The following GALNT17 variants were observed in gnomAD, a reference collection of about 807,000 sequenced individuals.
The protein encoded by GALNT17 is polypeptide N-acetylgalactosaminyltransferase 17.
Under a neutral mutation model 63.7 loss-of-function variants are expected in GALNT17, and 29 were observed. The observed-to-expected ratio is 0.46, with a 90% CI of 0.34 to 0.62. The LOEUF (loss-of-function observed/expected upper bound fraction) is 0.62, where lower values mean the gene tolerates loss of function less well. Among genes scored for constraint, GALNT17 ranks in the 20% least tolerant of loss-of-function variants. The pLI is 0.01. For synonymous variants in GALNT17, 305 were observed against 318.3 expected, an observed-to-expected ratio of 0.96 and a Z score of 0.45; for missense variants, 603 against 799.6, an observed-to-expected ratio of 0.75 and a Z score of 2.97.
chr7:71,133,690 T>G (rs74956602), intron 1 of GALNT17, among the ~76,000 whole-genome samples: 1 of 152,296 alleles, frequency 6.6e-6, no homozygotes, highest in East Asian at 1.9e-4. Flanking sequence ...CAGAGAGATG[T>G]GGCATCCCAT....
At chr7:71,511,762 T>A (rs1788360022) in intron 5 of GALNT17, among the ~76,000 whole-genome samples, 1 of 152,134 alleles carries the variant, frequency 6.6e-6, no homozygotes. Context: ...CTCCACAACC[T>A]TAGGTGGCAG....
At chr7:71,303,020 A>G (rs1028319533) in intron 1 of GALNT17, among the ~76,000 whole-genome samples, 7 of 152,116 alleles carry the variant, frequency 4.6e-5, no homozygotes, top group Non-Finnish European at 8.8e-5. Flanking sequence ...ACGTGCTGCC[A>G]TGCCCGGCTA....
chr7:71,565,843 T>C (rs1443355740), intron 5 of GALNT17, among the ~76,000 whole-genome samples: 7 of 129,776 alleles, frequency 5.4e-5, no homozygotes, highest in Admixed American at 1.6e-4. Context: ...CTCTTCTCTT[T>C]TCTTTTTTTT....
At chr7:71,419,058 G>T (rs1468559493) in intron 4 of GALNT17, among the ~76,000 whole-genome samples, 1 of 152,168 alleles carries the variant, frequency 6.6e-6, no homozygotes, top group Non-Finnish European at 1.5e-5. Flanking sequence ...TATAGCCTGA[G>T]AGACGAGTGA....
intron 9 of GALNT17, among the ~76,000 whole-genome samples, chr7:71,683,940 C>T (rs1037796222): frequency 5.6e-5 from 8 of 142,936 alleles, no homozygotes; most frequent in Admixed American, 1.5e-4. Context: ...ACTCAGGAGG[C>T]GGAGGTTGCA....
intron 6 of GALNT17, among the ~76,000 whole-genome samples, chr7:71,585,026 T>C (rs956667209): frequency 2.6e-5 from 4 of 152,226 alleles, no homozygotes; most frequent in African/African-American, 9.6e-5. Context: ...TTTCACACAA[T>C]CTGGATTTAG....
chr7:71,183,721 A>AAC (rs1788777506), intron 1 of GALNT17, among the ~76,000 whole-genome samples: 1 of 151,734 alleles, frequency 6.6e-6, no homozygotes, highest in African/African-American at 2.4e-5. Context: ...ACATGGTGAA[A>AAC]CCCCCACTGT....
At chr7:71,310,437 G>T (rs1318700519) in intron 1 of GALNT17, among the ~76,000 whole-genome samples, 1 of 152,208 alleles carries the variant, frequency 6.6e-6, no homozygotes, top group Non-Finnish European at 1.5e-5. Context: ...ACGTAGCACT[G>T]TCTGAGATCA....
In GALNT17 at chr7:71,215,786, G is replaced by A. The variant is rs572765593; in HGVS notation, c.238+82746G>A. Among the ~76,000 whole-genome samples the A allele has an allele frequency of 8.5e-5, 13 of 152,250 alleles. No homozygotes were observed. The South Asian group carries it at 2.1e-3, about 24-fold the overall frequency. ...AACTGCTGGTTAGAACAAGGGCAGC[G>A]TTCTCAAACATTTTGGGCTCAGGAA... On this transcript the variant is annotated intron_variant, in intron 1 of 10. Coordinates refer to ENST00000333538, the MANE Select transcript of GALNT17 (RefSeq NM_022479.3).
chr7:71,523,885 C>T (rs1157514888), intron 5 of GALNT17, among the ~76,000 whole-genome samples: 1 of 151,556 alleles, frequency 6.6e-6, no homozygotes, highest in Admixed American at 6.6e-5. Context: ...TTTGGAAGGC[C>T]GAGGTGGGCA....
At chr7:71,513,622 G>T (rs1788400729) in intron 5 of GALNT17, among the ~76,000 whole-genome samples, 1 of 152,002 alleles carries the variant, frequency 6.6e-6, no homozygotes, top group Admixed American at 6.6e-5. Flanking sequence ...CTGGCCTCAA[G>T]TGATTCGCCC....
chr7:71,526,204 T>G (rs1788621254), intron 5 of GALNT17, among the ~76,000 whole-genome samples: 1 of 152,184 alleles, frequency 6.6e-6, no homozygotes, highest in Admixed American at 6.5e-5. Context: ...GATGTTAGAC[T>G]TTTTTCCTGG....
intron 3 of GALNT17, among the ~76,000 whole-genome samples, chr7:71,409,766 GAGAA>G (rs1191366528): frequency 2.0e-5 from 3 of 152,298 alleles, no homozygotes; most frequent in Admixed American, 6.5e-5. Flanking sequence ...ATTTGCAACA[GAGAA>G]AGAGTTTCAT....
At chr7:71,391,087 G>C (rs1793041273) in intron 3 of GALNT17, among the ~76,000 whole-genome samples, 1 of 152,204 alleles carries the variant, frequency 6.6e-6, no homozygotes. Flanking sequence ...TGTTTCCCAG[G>C]GCCTGGCTGG....
intron 6 of GALNT17, among the ~76,000 whole-genome samples, chr7:71,629,614 G>A (rs1437170931): frequency 6.6e-6 from 1 of 152,008 alleles, no homozygotes; most frequent in Non-Finnish European, 1.5e-5. Flanking sequence ...TGAGTAGCGG[G>A]GACTGTGGGC....
chr7:71,346,147 G>A (rs34031481), intron 2 of GALNT17, among the ~76,000 whole-genome samples: 60 of 151,958 alleles, frequency 3.9e-4, no homozygotes, highest in African/African-American at 1.4e-3. Flanking sequence ...AGCTATGATC[G>A]TGCCACTGCA....
At chr7:71,576,238 C>G (rs114048721) in intron 6 of GALNT17, among the ~76,000 whole-genome samples, 195 of 152,242 alleles carry the variant, frequency 1.3e-3, no homozygotes, top group African/African-American at 4.4e-3. Flanking sequence ...CTTTCAGATC[C>G]CCAAATGACC....
intron 5 of GALNT17, among the ~76,000 whole-genome samples, chr7:71,534,925 C>T (rs1191244100): frequency 3.3e-5 from 5 of 152,200 alleles, no homozygotes; most frequent in East Asian, 1.9e-4. Context: ...TTCTGTGATA[C>T]GGTGTACTAG....
chr7:71,343,183 A>C (rs1469481001), intron 2 of GALNT17, among the ~76,000 whole-genome samples: 2 of 152,218 alleles, frequency 1.3e-5, no homozygotes, highest in African/African-American at 4.8e-5. Context: ...AACTTTGCTG[A>C]TATCTGAGCC....
Sources: allele counts gnomAD v4.1 joint callset (sites outside exome capture counted in the v4.1 genomes callset), GRCh38; gene constraint gnomAD v4.1.1; transcripts MANE v1.5; gene names NCBI Gene and HGNC (gene_info 2026-07-23, HGNC 2026-07-21).